The following UQCC1 variants were observed in gnomAD, a reference collection of about 807,000 sequenced individuals.
The protein encoded by UQCC1 is bFGF-repressed Zic-binding protein.
In UQCC1, 38 loss-of-function variants were observed where a neutral mutation model predicts 48.0. That is an observed-to-expected ratio of 0.79 (90% CI 0.61 to 1.04). The LOEUF is 1.04. UQCC1 is among the 50% of genes least tolerant of loss of function. The pLI is 0.00. For missense variants in UQCC1, 368 were observed against 381.8 expected (o/e 0.96, Z 0.30); for synonymous variants, 111 against 129.2 (o/e 0.86, Z 0.95).
intron 6 of UQCC1, among the ~76,000 whole-genome samples, chr20:35,351,819 C>T (rs1171616459): frequency 6.6e-6 from 1 of 152,200 alleles, no homozygotes; most frequent in African/African-American, 2.4e-5. Flanking sequence ...ACAGTGGGCT[C>T]AAATGGTTAT....
At chr20:35,310,889 G>A (rs879803718) in intron 8 of UQCC1, among the ~76,000 whole-genome samples, 7 of 145,414 alleles carry the variant, frequency 4.8e-5, no homozygotes, top group Admixed American at 2.1e-4. Context: ...CAGTAGAGAC[G>A]GGGTTTCACC....
intron 1 of UQCC1, among the ~76,000 whole-genome samples, chr20:35,404,608 T>A (rs2062222597): frequency 2.7e-5 from 4 of 150,322 alleles, no homozygotes; most frequent in Admixed American, 1.3e-4. Flanking sequence ...ATGGCACATG[T>A]ATACATATGT....
chr20:35,336,359 C>T (rs1487525320), intron 7 of UQCC1, among the ~76,000 whole-genome samples: 2 of 152,202 alleles, frequency 1.3e-5, no homozygotes, highest in African/African-American at 4.8e-5. Context: ...AAGGATTTTG[C>T]AGCTGTGATC....
At chr20:35,340,434 AC>A (rs749473854) in intron 7 of UQCC1, among the ~76,000 whole-genome samples, 36 of 152,236 alleles carry the variant, frequency 2.4e-4, no homozygotes, top group Admixed American at 2.6e-4. Flanking sequence ...TTTCAAAAGA[AC>A]AACTGGTATC....
At chr20:35,350,465 G>A (rs1426848882) in intron 6 of UQCC1, among the ~76,000 whole-genome samples, 1 of 152,082 alleles carries the variant, frequency 6.6e-6, no homozygotes, top group Non-Finnish European at 1.5e-5. Context: ...GGGAGGCCAA[G>A]GCCAGTGGAT....
intron 8 of UQCC1, chr20:35,309,054 G>C: frequency 2.3e-6 from 1 of 441,338 alleles, no homozygotes; most frequent in Non-Finnish European, 4.6e-6. Flanking sequence ...GAGGCTTAGA[G>C]GCTAGCTAAC....
rs139137365 is a variant in UQCC1, at chr20:35,400,435, T to A, written c.25-6239A>T. Reference sequence around the variant, plus strand: ...TTAAGATAAATGCACTGTTACTAAGTGAGAACTAGTTTTATTGCCATTTTG... The same window carrying A: ...TTAAGATAAATGCACTGTTACTAAGAGAGAACTAGTTTTATTGCCATTTTG... On this transcript the variant is annotated intron_variant, in intron 1 of 9. Transcript: ENST00000374385. Among the ~76,000 whole-genome samples, 6 of 152,050 alleles carry A rather than the reference T, an allele frequency of 3.9e-5. 1 individual carries two copies. In the East Asian group the frequency reaches 1.2e-3, roughly 29 times the overall value.
chr20:35,324,417 C>T (rs2061166943), intron 7 of UQCC1, among the ~76,000 whole-genome samples: 1 of 152,178 alleles, frequency 6.6e-6, no homozygotes, highest in African/African-American at 2.4e-5. Context: ...AGCTCTGCCT[C>T]CCAGGTTCAC....
At chr20:35,411,256 G>A (rs974554476) in intron 1 of UQCC1, among the ~76,000 whole-genome samples, 1 of 152,120 alleles carries the variant, frequency 6.6e-6, no homozygotes, top group African/African-American at 2.4e-5. Context: ...ATCTCAAGAG[G>A]TGCAGTAGTT....
intron 7 of UQCC1, among the ~76,000 whole-genome samples, chr20:35,337,149 CCA>C (rs2061324451): frequency 6.6e-6 from 1 of 151,978 alleles, no homozygotes; most frequent in African/African-American, 2.4e-5. Context: ...GGGTCCCACC[CCA>C]GTTTTCAGAA....
chr20:35,330,141 G>A (rs1014958427), intron 7 of UQCC1, among the ~76,000 whole-genome samples: 1 of 152,242 alleles, frequency 6.6e-6, no homozygotes, highest in African/African-American at 2.4e-5. Flanking sequence ...AAAAGGATCA[G>A]GAGGTCTTTG....
At chr20:35,378,629 C>CA (rs1345987164) in intron 4 of UQCC1, among the ~76,000 whole-genome samples, 2 of 151,900 alleles carry the variant, frequency 1.3e-5, no homozygotes, top group African/African-American at 2.4e-5. Flanking sequence ...GACTCCAACT[C>CA]AAAAAAAGAT....
intron 7 of UQCC1, among the ~76,000 whole-genome samples, chr20:35,329,272 T>G (rs1303427784): frequency 6.6e-6 from 1 of 152,048 alleles, no homozygotes; most frequent in Non-Finnish European, 1.5e-5. Context: ...GGAGGACCAG[T>G]GAAGAAGCAG....
intron 7 of UQCC1, among the ~76,000 whole-genome samples, chr20:35,321,283 T>TGTGTGTGTGTGTGTGTGTGC (rs1389196330): frequency 9.9e-5 from 14 of 141,592 alleles, no homozygotes; most frequent in African/African-American, 4.0e-4. Flanking sequence ...TGTGTGTGTG[T>TGTGTGTGTGTGTGTGTGTGC]GCGCGCGCGC....
At chr20:35,308,419 A>G (rs2060951494) in intron 8 of UQCC1, among the ~76,000 whole-genome samples, 1 of 152,248 alleles carries the variant, frequency 6.6e-6, no homozygotes, top group African/African-American at 2.4e-5. Flanking sequence ...GCTGGCAGCA[A>G]CCCACATGTG....
chr20:35,326,264 A>T (rs537898619), intron 7 of UQCC1, among the ~76,000 whole-genome samples: 4 of 152,326 alleles, frequency 2.6e-5, no homozygotes, highest in Admixed American at 2.6e-4. Context: ...AGGAAAGGGG[A>T]GGCCATGACT....
In UQCC1 at chr20:35,347,198, C is replaced by T. The variant is rs766324965; in HGVS notation, c.539G>A (p.Trp180Ter). Reference sequence around the variant, plus strand: ...TCTGCCGCGCTGCTGAACATCCTCCCACATAAAATGAACTATGATACGACA... The same window carrying T: ...TCTGCCGCGCTGCTGAACATCCTCCTACATAAAATGAACTATGATACGACA... ...YMCRIIVHFMWEDVQQRGRVM... is the reference protein window; with the variant it reads ...YMCRIIVHFM Residue 180 changes from tryptophan to a stop codon, truncating the protein, a stop_gained, in exon 7 of 10, where the codon TGG becomes TAG. Transcript: ENST00000374385. LOFTEE classifies it high-confidence loss of function. 59 of 1,614,048 alleles carry T rather than the reference C, an allele frequency of 3.7e-5. No homozygotes were observed. Among genetic ancestry groups the T allele is most frequent in the Non-Finnish European group, 4.7e-5 (56 of 1,180,044 alleles).
At chr20:35,367,449 A>G (rs931318266) in intron 5 of UQCC1, among the ~76,000 whole-genome samples, 1 of 152,020 alleles carries the variant, frequency 6.6e-6, no homozygotes, top group African/African-American at 2.4e-5. Flanking sequence ...GGGTGTGCTA[A>G]ATGATTTGCC....
intron 1 of UQCC1, among the ~76,000 whole-genome samples, chr20:35,411,291 G>A (rs2062359945): frequency 6.6e-6 from 1 of 152,136 alleles, no homozygotes; most frequent in African/African-American, 2.4e-5. Flanking sequence ...TAAAGAGTCT[G>A]GTAGTCTTTC....
Sources: gnomAD v4.1 joint callset for allele counts (sites outside exome capture counted in the v4.1 genomes callset) on GRCh38, gnomAD v4.1.1 for gene constraint, MANE v1.5 for transcripts, NCBI Gene and HGNC (gene_info 2026-07-23, HGNC 2026-07-21) for gene names.